Variants in CTNNA2 observed in about 807,000 individuals in gnomAD.
CTNNA2 encodes the protein catenin alpha 2.
A neutral mutation model predicts 101.0 loss-of-function variants in CTNNA2; 42 were observed. That is an observed-to-expected ratio of 0.42 (90% CI 0.32 to 0.54). The LOEUF (loss-of-function observed/expected upper bound fraction) is 0.54, where lower values mean the gene tolerates loss of function less well. Among genes scored for constraint, CTNNA2 ranks in the 20% least tolerant of loss-of-function variants. The pLI is 0.14. For missense variants in CTNNA2, 871 were observed against 1,223.1 expected (o/e 0.71, Z 4.29); for synonymous variants, 450 against 456.4 (o/e 0.99, Z 0.18).
intron 6 of CTNNA2, among the ~76,000 whole-genome samples, chr2:79,875,664 G>T (rs1234235626): frequency 6.6e-6 from 1 of 151,960 alleles, no homozygotes; most frequent in Non-Finnish European, 1.5e-5. Flanking sequence ...TTTCATAGTG[G>T]TCTCTCCTCT....
chr2:79,470,291 C>T (rs928207252), intron 4 of CTNNA2, among the ~76,000 whole-genome samples: 2 of 152,166 alleles, frequency 1.3e-5, no homozygotes, highest in Non-Finnish European at 2.9e-5. Flanking sequence ...GCATTTGAAC[C>T]CAGGAGTTTA....
At chr2:80,453,490 A>G (rs1278748297) in intron 9 of CTNNA2, among the ~76,000 whole-genome samples, 1 of 152,174 alleles carries the variant, frequency 6.6e-6, no homozygotes, top group Non-Finnish European at 1.5e-5. Flanking sequence ...GGCTTTAGCA[A>G]CAGCTTCATG....
At chr2:80,044,737 A>G (rs1408503980) in intron 7 of CTNNA2, among the ~76,000 whole-genome samples, 1 of 152,094 alleles carries the variant, frequency 6.6e-6, no homozygotes, top group African/African-American at 2.4e-5. Flanking sequence ...TGCATGCACT[A>G]TGTCTTGGTC....
chr2:80,462,292 A>G (rs979507347), intron 9 of CTNNA2, among the ~76,000 whole-genome samples: 4 of 152,162 alleles, frequency 2.6e-5, no homozygotes, highest in Non-Finnish European at 5.9e-5. Context: ...TAAAATTTGA[A>G]CTTAGAAACT....
chr2:80,307,571 C>G (rs1236649008), intron 7 of CTNNA2, among the ~76,000 whole-genome samples: 1 of 152,108 alleles, frequency 6.6e-6, no homozygotes, highest in Non-Finnish European at 1.5e-5. Flanking sequence ...TCTGATTCAC[C>G]AGGTTACAAT....
chr2:80,552,132 T>A (rs1400425448), intron 11 of CTNNA2, among the ~76,000 whole-genome samples: 1 of 152,184 alleles, frequency 6.6e-6, no homozygotes, highest in Admixed American at 6.5e-5. Context: ...TGGTTCCTGA[T>A]GCCCCAAAAC....
At chr2:80,625,044 C>T (rs925147794) in intron 18 of CTNNA2, among the ~76,000 whole-genome samples, 2 of 151,706 alleles carry the variant, frequency 1.3e-5, no homozygotes, top group African/African-American at 4.8e-5. Flanking sequence ...AAATAAATGC[C>T]AAGCAGAGAA....
intron 3 of CTNNA2, among the ~76,000 whole-genome samples, chr2:79,808,302 G>A (rs554523304): frequency 1.3e-5 from 2 of 152,252 alleles, no homozygotes; most frequent in South Asian, 4.1e-4. Context: ...GGGTAGTGAG[G>A]GCCTTACACT....
At chr2:79,791,024 A>C (rs930337237) in intron 3 of CTNNA2, among the ~76,000 whole-genome samples, 1 of 152,206 alleles carries the variant, frequency 6.6e-6, no homozygotes, top group African/African-American at 2.4e-5. Flanking sequence ...ATTTATTTTG[A>C]ATTAGTATAA....
intron 2 of CTNNA2, among the ~76,000 whole-genome samples, chr2:79,299,823 G>A (rs1676066549): frequency 6.6e-6 from 1 of 152,214 alleles, no homozygotes; most frequent in African/African-American, 2.4e-5. Context: ...GTCACACTGG[G>A]ATTGAGCTGA....
Position 80,544,972 on chromosome 2 carries a change from T to G in CTNNA2, c.1291-10T>G. The G allele has an allele frequency of 6.2e-7, 1 of 1,613,322 alleles. No individual in the cohort carries two copies. Among genetic ancestry groups the G allele is most frequent in the Non-Finnish European group, 8.5e-7 (1 of 1,179,502 alleles). ...CAACCTAATATTCACTAAAATCCTC[T>G]TCAATACAGGTTGCCAATTTGGCCT... On this transcript the variant is annotated splice_polypyrimidine_tract_variant and intron_variant, in intron 9 of 18. Coordinates refer to ENST00000402739, the MANE Select transcript of CTNNA2 (RefSeq NM_001282597.3).
rs146049496 is a variant in CTNNA2 at position 80,284,975 on chromosome 2, G to A, written c.1057-108236G>A. On this transcript the variant is annotated intron_variant, in intron 7 of 18. Transcript: ENST00000402739. ...TGCTCTGCTATCTCACTTAGTCCTA[G>A]TGTTTGTTCATTGCAAGAATCAGGA... 1.9e-3 allele frequency among the ~76,000 whole-genome samples: 296 copies of A among 152,280 alleles called. 1 individual carries two copies. The highest frequency in any genetic ancestry group is 6.9e-3 in the African/African-American group (286 of 41,572).
chr2:79,961,876 T>C (rs1305457655), intron 7 of CTNNA2, among the ~76,000 whole-genome samples: 3 of 148,238 alleles, frequency 2.0e-5, no homozygotes, highest in Non-Finnish European at 4.5e-5. Flanking sequence ...TAAATTGATA[T>C]AGAAGTGATT....
At chr2:79,890,027 G>T (rs1458625361) in intron 6 of CTNNA2, among the ~76,000 whole-genome samples, 1 of 152,170 alleles carries the variant, frequency 6.6e-6, no homozygotes, top group African/African-American at 2.4e-5. Context: ...AGTCCAGTGT[G>T]AATACTAAGA....
chr2:80,548,982 TGTA>T (rs1416836916), intron 11 of CTNNA2, among the ~76,000 whole-genome samples: 1 of 152,198 alleles, frequency 6.6e-6, no homozygotes, highest in Non-Finnish European at 1.5e-5. Flanking sequence ...TTTAAAAGAT[TGTA>T]GTTTTTTTAA....
At chr2:80,603,669 T>C (rs1481898491) in intron 15 of CTNNA2, 1 of 158,176 alleles carries the variant, frequency 6.3e-6, no homozygotes, top group Non-Finnish European at 1.4e-5. Context: ...TACTAGATCA[T>C]TTTGGGCTCA....
chr2:80,585,063 A>G (rs1573364496), intron 14 of CTNNA2, among the ~76,000 whole-genome samples: 1 of 132,552 alleles, frequency 7.5e-6, no homozygotes, highest in East Asian at 1.9e-4. Context: ...AGTCCCTTTA[A>G]TTGTTATTTA....
intron 1 of CTNNA2, among the ~76,000 whole-genome samples, chr2:79,515,009 C>A (rs1671733831): frequency 6.6e-6 from 1 of 152,056 alleles, no homozygotes; most frequent in South Asian, 2.1e-4. Context: ...TGATTGAGTG[C>A]TGATTTGATG....
intron 7 of CTNNA2, among the ~76,000 whole-genome samples, chr2:80,049,394 A>T (rs186744835): frequency 1.3e-5 from 2 of 152,322 alleles, no homozygotes; most frequent in Non-Finnish European, 2.9e-5. Flanking sequence ...TAAATAATAT[A>T]ACAAACACAT....
Sources: gnomAD v4.1 joint callset for allele counts (sites outside exome capture counted in the v4.1 genomes callset) on GRCh38, gnomAD v4.1.1 for gene constraint, MANE v1.5 for transcripts, NCBI Gene and HGNC (gene_info 2026-07-23, HGNC 2026-07-21) for gene names.